MIOX: variants seen among roughly 807,000 people sequenced by gnomAD.
MIOX encodes inositol oxygenase.
MIOX carries 51 observed loss-of-function variants against 42.7 expected under a neutral mutation model. The observed-to-expected ratio is 1.19, with a 90% CI of 0.95 to 1.51. The LOEUF (loss-of-function observed/expected upper bound fraction) is 1.51, where lower values mean the gene tolerates loss of function less well. MIOX is among the 40% of genes most tolerant of loss of function. MIOX has a pLI of 0.00. For missense variants in MIOX, 395 were observed against 381.3 expected (o/e 1.04, Z -0.30); for synonymous variants, 168 against 154.4 (o/e 1.09, Z -0.65).
chr22:50,487,550 GC>G, intron 2 of MIOX, 85 bp downstream of exon 2: 1 of 1,540,880 alleles, frequency 6.5e-7, no homozygotes, highest in Non-Finnish European at 8.9e-7. Context: ...TCCAGGGGGT[GC>G]CCTGTGGGAA....
In MIOX at chr22:50,488,027, C is replaced by G. The variant is rs377169234; in HGVS notation, c.319C>G (p.Arg107Gly). ...FHAFQTAEGI[R>G]KAHPDKDWFH... ...TGCCTTCCAGACAGCGGAGGGCATCCGGAAGGCCCACCCAGACAAGGGTGA... is the reference window on the plus strand; with the variant it reads ...TGCCTTCCAGACAGCGGAGGGCATCGGGAAGGCCCACCCAGACAAGGGTGA... Residue 107 changes from arginine to glycine, a missense_variant, in exon 4 of 10, where the codon CGG becomes GGG. Arg to Gly is a moderately radical substitution (Grantham distance 125). Transcript: ENST00000216075. 2 of 1,613,760 alleles carry G rather than the reference C, an allele frequency of 1.2e-6. No homozygotes were observed. Among genetic ancestry groups the G allele is most frequent in the South Asian group, 2.2e-5 (2 of 91,090 alleles).
Position 50,489,653 on chromosome 22 carries a change from C to T in MIOX, c.749+9C>T, listed in dbSNP as rs199986916. 253 of 1,600,058 alleles carry T rather than the reference C, an allele frequency of 1.6e-4. No individual in the cohort carries two copies. In the East Asian group the frequency reaches 4.8e-3, roughly 31 times the overall value. ...TGGGTGCGGGAGTTCAAGTACGCCC[C>T]GCTACCCGCCGAGGGGTGTTGTGGG... On this transcript the variant is annotated intron_variant, in intron 9 of 9. Coordinates refer to ENST00000216075, the MANE Select transcript of MIOX (RefSeq NM_017584.6).
intron 4 of MIOX, 74 bp from the exon 5 acceptor site, chr22:50,488,201 C>T: frequency 6.2e-7 from 1 of 1,601,144 alleles, no homozygotes; most frequent in Non-Finnish European, 8.5e-7. Context: ...TCCTGGCTCT[C>T]AGCCCCGCAA....
Position 50,489,548 on chromosome 22 carries a change from G to A in MIOX, c.653G>A (p.Arg218Gln), listed in dbSNP as rs200935523. The change falls in exon 9 of 10, where the codon CGG becomes CAG. Residue 218 changes from arginine to glutamine, a missense_variant. Arg to Gln is a conservative substitution (Grantham distance 43). Coordinates refer to ENST00000216075, the MANE Select transcript of MIOX (RefSeq NM_017584.6). ...TGCCCGCAGGCTTTCTACATGATCCGGTTCCACTCCTTCTACCCCTGGCAC... is the reference window on the plus strand; with the variant it reads ...TGCCCGCAGGCTTTCTACATGATCCAGTTCCACTCCTTCTACCCCTGGCAC... ...SLPPEAFYMI[R>Q]FHSFYPWHTG... The A allele has an allele frequency of 2.5e-5, 41 of 1,612,574 alleles. 1 individual carries two copies. Among genetic ancestry groups the A allele is most frequent in the South Asian group, 9.9e-5 (9 of 91,078 alleles).
rs879772489 is a variant in MIOX, at chr22:50,488,492, TCGG to T, written c.408+151_408+153del. On this transcript the variant is annotated intron_variant, in intron 5 of 9. Transcript: ENST00000216075. ...ACGGCTGCCTGTCCCTCTGGTGGCC[TCGG>T]TGCTTGGCCTGGGATACTACCTGGG... 3,537 of 600,868 alleles carry T rather than the reference TCGG, an allele frequency of 5.9e-3. 590 individuals carry two copies. Among genetic ancestry groups the T allele is most frequent in the Admixed American group, 0.01 (315 of 30,770 alleles). 37.2% of individuals were successfully genotyped at this position (600,868 alleles called of 1,614,324 possible).
intron 5 of MIOX, among the ~76,000 whole-genome samples, chr22:50,488,734 G>A (rs144549629): frequency 0.023 from 1,890 of 81,800 alleles, 89 homozygotes; most frequent in African/African-American, 0.088. Context: ...CTTCCCCCAC[G>A]GCCCCCCATG....
Position 50,487,673 on chromosome 22 carries a change from C to A in MIOX, c.108C>A (p.Leu36=). ...ASFRNYTSGP[L]LDRVFTTYKL... The stretch of plus-strand genomic sequence containing the variant: ...CCTCCGGCCTGCAGTCAGGTCCCCT[C>A]CTGGACCGTGTCTTCACCACCTACA... The change falls in exon 3 of 10, where the codon CTC becomes CTA. Residue 36 remains leucine, a synonymous_variant. Transcript: ENST00000216075. 6 of 1,613,416 alleles carry A rather than the reference C, an allele frequency of 3.7e-6. No individual in the cohort carries two copies. The highest frequency in any genetic ancestry group is 1.1e-5 in the South Asian group (1 of 91,066).
Position 50,489,103 on chromosome 22 carries a change from G to A in MIOX, c.472G>A (p.Asp158Asn), listed in dbSNP as rs147169238. Residue 158 changes from aspartate to asparagine, a missense_variant, in exon 6 of 10, where the codon GAC (aspartate) becomes AAC (asparagine). Transcript: ENST00000216075. ...TCCGCAGGCCTCCGTGGTTTTCTGC[G>A]ACTCCACCTTCCAGGACAACCCTGA... ...CRPQASVVFC[D>N]STFQDNPDLQ... 109 of 1,612,830 alleles carry A rather than the reference G, an allele frequency of 6.8e-5. No homozygotes were observed. Among genetic ancestry groups the A allele is most frequent in the Non-Finnish European group, 8.6e-5 (102 of 1,179,906 alleles).
chr22:50,487,571 C>G (rs1603437453), intron 2 of MIOX, 91 bp from the exon 3 acceptor site: 1 of 1,542,226 alleles, frequency 6.5e-7, no homozygotes, highest in East Asian at 2.3e-5. Context: ...ACTCCCACCC[C>G]CATCACACCC....
At position 50,487,978 on chromosome 22, in the gene MIOX, C is replaced by G. The variant is rs2232882; in HGVS notation, c.270C>G (p.Asp90Glu). The change falls in exon 4 of 10, where the codon GAC becomes GAG. Residue 90 changes from aspartate to glutamate, a missense_variant. Physicochemically the swap from Asp to Glu is conservative, Grantham distance 45. Transcript: ENST00000216075. ...GGCTGGTGGATGAGTCGGACCCGGA[C>G]GTAGATTTCCCCAACTCCTTCCATG... ...LDGLVDESDPDVDFPNSFHAF... is the reference protein window; with the variant it reads ...LDGLVDESDPEVDFPNSFHAF... 11 of 1,613,988 alleles carry G rather than the reference C, an allele frequency of 6.8e-6. No homozygotes were observed. The highest frequency in any genetic ancestry group is 8.5e-7 in the Non-Finnish European group (1 of 1,179,928).
At chr22:50,487,120 C>T (rs1185113491) in intron 1 of MIOX, among the ~76,000 whole-genome samples, 2 of 152,236 alleles carry the variant, frequency 1.3e-5, no homozygotes, top group Admixed American at 1.3e-4. Flanking sequence ...GGGTGCCGCT[C>T]AGGCGTGGTG....
At position 50,489,159 on chromosome 22, in the gene MIOX, G is replaced by A. The variant is rs546560952; in HGVS notation, c.518+10G>A. ...AGGATCCTCGATACAGGTGCTCCCT[G>A]CTGCTGAGGGCTGGGCCCCCTTCCC... On this transcript the variant is annotated intron_variant, in intron 6 of 9. Transcript: ENST00000216075. 4 of 1,612,870 alleles carry A rather than the reference G, an allele frequency of 2.5e-6. No homozygotes were observed. In the South Asian group the frequency reaches 3.3e-5, roughly 13 times the overall value.
Position 50,489,772 on chromosome 22 carries a change from C to T in MIOX, c.774C>T (p.Cys258=), listed in dbSNP as rs1276354541. 1.2e-6 allele frequency: 2 copies of T among 1,612,224 alleles called. No homozygotes were observed. Among genetic ancestry groups the T allele is most frequent in the African/African-American group, 2.7e-5 (2 of 75,030 alleles). The stretch of plus-strand genomic sequence containing the variant: ...GCAAGTTCGACCTCTACACCAAGTG[C>T]CCGGACCTGCCGGACGTGGACAAGC... ...EFNKFDLYTK[C]PDLPDVDKLR... The change falls in exon 10 of 10, where the codon TGC becomes TGT. Residue 258 remains cysteine (C), a synonymous_variant. Transcript: ENST00000216075.
At position 50,489,018 on chromosome 22, in the gene MIOX, C is replaced by CATCCCTCCT. The variant is rs139170143; in HGVS notation, c.409-22_409-21insATCCCTCCT. The CATCCCTCCT allele has an allele frequency of 2.9e-5, 42 of 1,450,580 alleles. 2 individuals carry two copies. In the Admixed American group the frequency reaches 5.7e-4, roughly 20 times the overall value. The allele number at this position is 1,450,580 out of a possible 1,614,324, so 89.9% of individuals were successfully genotyped here. On this transcript the variant is annotated intron_variant, in intron 5 of 9. Transcript: ENST00000216075. ...TTCCCCCACTCCCCCCATGGCCTCC[C>CATCCCTCCT]GTCCCTCCTGTCCCTCTGCAGTGGG...
intron 1 of MIOX, 131 bp downstream of exon 1, chr22:50,487,043 C>T (rs918650399): frequency 2.5e-5 from 30 of 1,219,262 alleles, no homozygotes; most frequent in Non-Finnish European, 3.1e-5. Context: ...CAGCGGCTGC[C>T]GACCCCCAGG....
chr22:50,487,299 G>A, intron 1 of MIOX, 86 bp from the exon 2 acceptor site: 2 of 1,141,030 alleles, frequency 1.8e-6, no homozygotes, highest in South Asian at 2.8e-5. Context: ...AGGCAGGCTT[G>A]GAGTCTGCAG....
chr22:50,487,303 T>C, intron 1 of MIOX, 82 bp from the exon 2 acceptor site: 1 of 1,200,408 alleles, frequency 8.3e-7, no homozygotes, highest in Non-Finnish European at 1.2e-6. Flanking sequence ...AGGCTTGGAG[T>C]CTGCAGCCAC....
At position 50,486,862 on chromosome 22, in the gene MIOX, C is replaced by T. The variant is rs746625538; in HGVS notation, c.-36C>T. 10 of 1,613,886 alleles carry T rather than the reference C, an allele frequency of 6.2e-6. No homozygotes were observed. The highest frequency in any genetic ancestry group is 8.5e-6 in the Non-Finnish European group (10 of 1,179,966). ...CCTGGCTGAGGACACACTCGCCAGC[C>T]TGTGCTTTGCCACCTGAGCGCCGCT... is the stretch of plus-strand genomic sequence containing the variant. On this transcript the variant is annotated 5_prime_UTR_variant, in exon 1 of 10. Coordinates refer to ENST00000216075, the MANE Select transcript of MIOX (RefSeq NM_017584.6).
rs1185739754 is a variant in MIOX at position 50,487,944 on chromosome 22, T to A, written c.236T>A (p.Leu79Gln). The A allele has an allele frequency of 1.2e-6, 2 of 1,613,902 alleles. No homozygotes were observed. The highest frequency in any genetic ancestry group is 3.3e-5 in the Admixed American group (2 of 59,986). The change falls in exon 4 of 10, where the codon CTG (leucine) becomes CAG (glutamine). Residue 79 changes from leucine to glutamine, a missense_variant. Physicochemically the swap from Leu to Gln is moderately radical, Grantham distance 113. Transcript: ENST00000216075. ...KKMTVMEAVD[L>Q]LDGLVDESDP... ...ATGACAGTCATGGAGGCCGTGGACCTGCTGGATGGGCTGGTGGATGAGTCG... is the reference window on the plus strand; with the variant it reads ...ATGACAGTCATGGAGGCCGTGGACCAGCTGGATGGGCTGGTGGATGAGTCG...
Sources: allele counts gnomAD v4.1 joint callset (sites outside exome capture counted in the v4.1 genomes callset), GRCh38; gene constraint gnomAD v4.1.1; transcripts MANE v1.5; gene names NCBI Gene and HGNC (gene_info 2026-07-23, HGNC 2026-07-21).